Variants in PDS5A observed in about 807,000 individuals in gnomAD.
PDS5A encodes the protein PDS5 cohesin associated factor A, also known as sister chromatid cohesion protein PDS5 homolog A.
A neutral mutation model predicts 167.1 loss-of-function variants in PDS5A; 42 were observed. The ratio of observed to expected loss-of-function variants is 0.25; its 90% confidence interval spans 0.20 to 0.33. The LOEUF is 0.33. PDS5A is among the 10% of genes least tolerant of loss of function. The probability of loss-of-function intolerance (pLI) is 1.00; values close to 1 mark genes in which losing one functional copy is unlikely to be tolerated. For missense variants in PDS5A, 1,033 were observed against 1,605.9 expected, an observed-to-expected ratio of 0.64 and a Z score of 6.10; for synonymous variants, 553 against 554.6, an observed-to-expected ratio of 1.00 and a Z score of 0.04.
chr4:39,852,438 A>G (rs948076721), intron 26 of PDS5A, among the ~76,000 whole-genome samples: 1 of 152,032 alleles, frequency 6.6e-6, no homozygotes, highest in South Asian at 2.1e-4. Flanking sequence ...CAAGGGAGCT[A>G]ATTCCTCTCC....
intron 22 of PDS5A, chr4:39,868,804 G>T (rs1719766142): frequency 2.5e-6 from 1 of 401,154 alleles, no homozygotes; most frequent in Admixed American, 2.9e-5. Context: ...CAGGAAAAAT[G>T]AATTGATAGA....
intron 10 of PDS5A, chr4:39,908,772 C>T (rs1287393088): frequency 4.3e-6 from 2 of 462,870 alleles, no homozygotes; most frequent in East Asian, 3.9e-5. Context: ...AACTGTAATA[C>T]CAGCACTTTG....
intron 31 of PDS5A, among the ~76,000 whole-genome samples, chr4:39,839,758 G>C (rs911927774): frequency 2.7e-4 from 32 of 119,910 alleles, no homozygotes; most frequent in African/African-American, 8.0e-4. Flanking sequence ...TGATTCTGGG[G>C]GGGGGGGGCA....
At chr4:39,916,828 T>C (rs1424362719) in intron 8 of PDS5A, among the ~76,000 whole-genome samples, 2 of 151,406 alleles carry the variant, frequency 1.3e-5, no homozygotes, top group Admixed American at 6.6e-5. Flanking sequence ...ACTGCGCCAT[T>C]GCACTCCAGC....
chr4:39,929,929 TG>T (rs1160668528), intron 2 of PDS5A, among the ~76,000 whole-genome samples: 2 of 149,564 alleles, frequency 1.3e-5, no homozygotes, highest in East Asian at 3.9e-4. Flanking sequence ...AAAAAAAATT[TG>T]GGGGGCCGGG....
chr4:39,903,013 G>A (rs1723010939), intron 12 of PDS5A, among the ~76,000 whole-genome samples: 1 of 152,170 alleles, frequency 6.6e-6, no homozygotes, highest in African/African-American at 2.4e-5. Flanking sequence ...ATTTGTTCTA[G>A]AAGGTTTAAA....
intron 31 of PDS5A, among the ~76,000 whole-genome samples, chr4:39,839,319 C>A (rs993796557): frequency 1.3e-5 from 2 of 152,002 alleles, no homozygotes; most frequent in South Asian, 2.1e-4. Context: ...CGGCTGTAAT[C>A]CCAGCACTTT....
At chr4:39,892,004 A>C (rs1342645826) in intron 16 of PDS5A, among the ~76,000 whole-genome samples, 2 of 151,954 alleles carry the variant, frequency 1.3e-5, no homozygotes, top group Non-Finnish European at 2.9e-5. Context: ...CCAGCTACTC[A>C]GGAGGCTGAG....
At chr4:39,951,378 G>T (rs1728339178) in intron 2 of PDS5A, among the ~76,000 whole-genome samples, 1 of 152,200 alleles carries the variant, frequency 6.6e-6, no homozygotes, top group African/African-American at 2.4e-5. Flanking sequence ...CTAAGGCTCA[G>T]ATCTCTGAAA....
rs1258661213 is a variant in PDS5A, at chr4:39,930,247, G to GTTTTTTTTTT, written c.139-2084_139-2083insAAAAAAAAAA. ...AAAAAAAAAAAAAAAAAAAAAAAAAGTTTTTTTGTTTTTTGTTTTTTTTTT... is the reference window on the plus strand; with the variant it reads ...AAAAAAAAAAAAAAAAAAAAAAAAAGTTTTTTTTTTTTTTTTTGTTTTTTGTTTTTTTTTT... On this transcript the variant is annotated intron_variant, in intron 2 of 32. Coordinates refer to ENST00000303538, the MANE Select transcript of PDS5A (RefSeq NM_001100399.2). 1.4e-3 allele frequency among the ~76,000 whole-genome samples: 85 copies of GTTTTTTTTTT among 61,914 alleles called. 2 individuals carry two copies. The highest frequency in any genetic ancestry group is 2.4e-3 in the Non-Finnish European group (73 of 30,908). The allele number at this position is 61,914 out of a possible 152,430, so 40.6% of individuals were successfully genotyped here. A position where few individuals can be genotyped will look rare whatever the true frequency, so the allele number is the denominator to read the frequency against.
At position 39,898,907 on chromosome 4, in the gene PDS5A, G is replaced by A. The variant is rs114242206; in HGVS notation, c.1582-82C>T. Reference sequence around the variant, plus strand: ...CTAACAAAAATCAATACTCATTACTGTACATTTTTCATGACGTTAAAAAAT... The same window carrying A: ...CTAACAAAAATCAATACTCATTACTATACATTTTTCATGACGTTAAAAAAT... On this transcript the variant is annotated intron_variant, in intron 14 of 32. Transcript: ENST00000303538. 7.5e-3 allele frequency: 6,317 copies of A among 836,974 alleles called. 35 individuals carry two copies. The highest frequency in any genetic ancestry group is 8.6e-3 in the Non-Finnish European group (4,413 of 511,392). 51.8% of individuals were successfully genotyped at this position (836,974 alleles called of 1,614,324 possible).
intron 16 of PDS5A, among the ~76,000 whole-genome samples, chr4:39,891,766 A>G (rs1458305261): frequency 2.0e-5 from 3 of 152,200 alleles, no homozygotes; most frequent in South Asian, 2.1e-4. Flanking sequence ...AATTTTATTT[A>G]TAAGTTAGAC....
At chr4:39,875,686 A>G (rs60081241) in intron 19 of PDS5A, among the ~76,000 whole-genome samples, 383 of 152,256 alleles carry the variant, frequency 2.5e-3, no homozygotes, top group African/African-American at 8.7e-3. Context: ...TGAGATAGGG[A>G]TGTCCATGAC....
intron 2 of PDS5A, among the ~76,000 whole-genome samples, chr4:39,967,054 C>G (rs942891862): frequency 6.6e-6 from 1 of 151,934 alleles, no homozygotes; most frequent in Non-Finnish European, 1.5e-5. Context: ...CCTGTAATCC[C>G]AGCGCTTTGG....
chr4:39,869,165 T>C (rs1301427040), intron 22 of PDS5A, among the ~76,000 whole-genome samples: 2 of 152,158 alleles, frequency 1.3e-5, no homozygotes, highest in Non-Finnish European at 1.5e-5. Flanking sequence ...TATTAACTAT[T>C]AGGTTTAATT....
At chr4:39,918,932 T>G (rs1724663853) in intron 7 of PDS5A, among the ~76,000 whole-genome samples, 1 of 152,100 alleles carries the variant, frequency 6.6e-6, no homozygotes, top group Non-Finnish European at 1.5e-5. Flanking sequence ...AAGAAGATAG[T>G]TTTATCAAAA....
At chr4:39,929,519 CTATATATATATATATATATATATATA>C (rs58069502) in intron 2 of PDS5A, among the ~76,000 whole-genome samples, 8 of 79,406 alleles carry the variant, frequency 1.0e-4, no homozygotes, top group South Asian at 3.1e-4. Context: ...ACTTAATAAA[CTATATATATATATATATATATATATA>C]TATATATATA....
intron 2 of PDS5A, among the ~76,000 whole-genome samples, chr4:39,942,411 C>T (rs946957919): frequency 3.3e-5 from 5 of 152,112 alleles, no homozygotes; most frequent in Admixed American, 6.6e-5. Context: ...CCCAAACATA[C>T]GCTCTTACTA....
At chr4:39,833,009 AT>A (rs991568900) in intron 32 of PDS5A, among the ~76,000 whole-genome samples, 16 of 148,234 alleles carry the variant, frequency 1.1e-4, no homozygotes, top group African/African-American at 3.8e-4. Flanking sequence ...AAAGAAAAAA[AT>A]AATAAATAAA....
Sources: allele counts gnomAD v4.1 joint callset (sites outside exome capture counted in the v4.1 genomes callset), GRCh38; gene constraint gnomAD v4.1.1; transcripts MANE v1.5; gene names NCBI Gene and HGNC (gene_info 2026-07-23, HGNC 2026-07-21).